VKORC1L1: variants seen among roughly 807,000 people sequenced by gnomAD.
The protein encoded by VKORC1L1 is vitamin K epoxide reductase complex subunit 1L1, also known as vitamin K epoxide reductase complex subunit 1-like protein 1.
VKORC1L1 carries 2 observed loss-of-function variants against 18.9 expected under a neutral mutation model. That is an observed-to-expected ratio of 0.11 (90% CI 0.04 to 0.33). The LOEUF (loss-of-function observed/expected upper bound fraction) is 0.33, where lower values mean the gene tolerates loss of function less well. Among genes scored for constraint, VKORC1L1 ranks in the 10% least tolerant of loss-of-function variants. The pLI is 1.00. For missense variants in VKORC1L1, 123 were observed against 224.1 expected (o/e 0.55, Z 2.88); for synonymous variants, 96 against 100.0 (o/e 0.96, Z 0.24).
intron 1 of VKORC1L1, among the ~76,000 whole-genome samples, chr7:65,934,436 A>G (rs1257678506): frequency 6.6e-6 from 1 of 152,194 alleles, no homozygotes; most frequent in Non-Finnish European, 1.5e-5. Flanking sequence ...AGAACACACT[A>G]TTATTTACTA....
At chr7:65,875,743 T>C (rs1357480331) in intron 1 of VKORC1L1, among the ~76,000 whole-genome samples, 1 of 152,112 alleles carries the variant, frequency 6.6e-6, no homozygotes, top group East Asian at 1.9e-4. Flanking sequence ...TGAAAGCTGA[T>C]TATTGGACAC....
chr7:65,951,828 G>C (rs1378898443), intron 2 of VKORC1L1, among the ~76,000 whole-genome samples: 1 of 152,028 alleles, frequency 6.6e-6, no homozygotes, highest in Non-Finnish European at 1.5e-5. Context: ...AATATATCAT[G>C]GTGATTTTTC....
chr7:65,922,065 T>C lies in VKORC1L1; in HGVS notation c.195-26606T>C, dbSNP rs139305148. Among the ~76,000 whole-genome samples, 235 of 152,322 alleles carry C rather than the reference T, an allele frequency of 1.5e-3. 1 individual carries two copies. The highest frequency in any genetic ancestry group is 5.5e-3 in the African/African-American group (228 of 41,570). The stretch of plus-strand genomic sequence containing the variant: ...TATAAATTAATAGTTGTATCACTTT[T>C]CTGTCAGTGCGTGGACCTTTGGATA... On this transcript the variant is annotated intron_variant, in intron 1 of 2. Transcript: ENST00000360768.
At chr7:65,875,157 A>G (rs554611601) in intron 1 of VKORC1L1, among the ~76,000 whole-genome samples, 3 of 152,316 alleles carry the variant, frequency 2.0e-5, no homozygotes, top group South Asian at 4.1e-4. Context: ...CCATGTATAC[A>G]GTGAAATTAA....
chr7:65,870,110 C>CCATT (rs1050419587), upstream of VKORC1L1, among the ~76,000 whole-genome samples: 12 of 151,440 alleles, frequency 7.9e-5, no homozygotes, highest in South Asian at 2.1e-4. Flanking sequence ...TTTTGAGTGT[C>CCATT]CATTCATTCA....
At position 65,919,075 on chromosome 7, in the gene VKORC1L1, G is replaced by A. The variant is rs1373061058; in HGVS notation, c.195-29596G>A. On this transcript the variant is annotated intron_variant, in intron 1 of 2. Coordinates refer to ENST00000360768, the MANE Select transcript of VKORC1L1 (RefSeq NM_173517.6). ...TGCACTCCAGCTTGGGTGACAGAGC[G>A]AGACCCTTTCTCAAAAAATAAATAA... is the stretch of plus-strand genomic sequence containing the variant. Among the ~76,000 whole-genome samples, 3 of 152,270 alleles carry A rather than the reference G, an allele frequency of 2.0e-5. No homozygotes were observed. In the East Asian group the frequency reaches 5.8e-4, roughly 29 times the overall value.
In VKORC1L1 at chr7:65,874,369, T is replaced by C. The variant is rs544313104; in HGVS notation, c.194+804T>C. 2.6e-5 allele frequency among the ~76,000 whole-genome samples: 4 copies of C among 152,092 alleles called. No individual in the cohort carries two copies. In the East Asian group the frequency reaches 5.9e-4, roughly 22 times the overall value. On this transcript the variant is annotated intron_variant, in intron 1 of 2. Transcript: ENST00000360768. ...AGGCATTGGAATGACTTTTAAACGT[T>C]GTTGCCTATTAGCATATTCGAGACC...
intron 1 of VKORC1L1, among the ~76,000 whole-genome samples, chr7:65,907,600 C>T (rs929222174): frequency 8.5e-5 from 13 of 152,178 alleles, no homozygotes; most frequent in African/African-American, 2.4e-4. Flanking sequence ...CTAGGCCTCC[C>T]GCTGTTCAGT....
At chr7:65,908,909 A>G (rs1198028387) in intron 1 of VKORC1L1, among the ~76,000 whole-genome samples, 5 of 151,772 alleles carry the variant, frequency 3.3e-5, no homozygotes, top group African/African-American at 1.2e-4. Flanking sequence ...AAAAATAAAT[A>G]AAAACATCAG....
chr7:65,933,931 A>G (rs1275781976), intron 1 of VKORC1L1, among the ~76,000 whole-genome samples: 1 of 152,226 alleles, frequency 6.6e-6, no homozygotes, highest in Non-Finnish European at 1.5e-5. Context: ...TACAACTATT[A>G]ATATAAAGAT....
upstream of VKORC1L1, among the ~76,000 whole-genome samples, chr7:65,868,081 A>G (rs1788683848): frequency 6.6e-6 from 1 of 152,188 alleles, no homozygotes; most frequent in African/African-American, 2.4e-5. Flanking sequence ...TCCTGACCTC[A>G]GGTGATTCAC....
At chr7:65,884,369 C>T (rs950772703) in intron 1 of VKORC1L1, among the ~76,000 whole-genome samples, 6 of 152,072 alleles carry the variant, frequency 3.9e-5, no homozygotes, top group African/African-American at 9.7e-5. Flanking sequence ...CACAGCAGGG[C>T]ACGGTGGCCA....
chr7:65,921,681 T>C (rs1476607286), intron 1 of VKORC1L1, among the ~76,000 whole-genome samples: 1 of 152,128 alleles, frequency 6.6e-6, no homozygotes, highest in East Asian at 1.9e-4. Context: ...ACCCCGTCTC[T>C]ACTAAAAATA....
At chr7:65,952,778 C>CTTTTTTTTTTTTTTTTT in intron 2 of VKORC1L1, among the ~76,000 whole-genome samples, 1 of 86,612 alleles carries the variant, frequency 1.2e-5, no homozygotes, top group African/African-American at 4.7e-5. Context: ...TTTTTTTTTC[C>CTTTTTTTTTTTTTTTTT]TTTTTTTTTT....
intron 1 of VKORC1L1, among the ~76,000 whole-genome samples, chr7:65,891,840 A>G (rs555212570): frequency 4.0e-4 from 61 of 152,322 alleles, no homozygotes; most frequent in African/African-American, 1.4e-3. Flanking sequence ...GTCATTTTGA[A>G]ATATAAAATA....
At chr7:65,867,105 T>G in the VKORC1L1 span, among the ~76,000 whole-genome samples, 2 of 152,126 alleles carry the variant, frequency 1.3e-5, no homozygotes, top group African/African-American at 4.8e-5. Context: ...GAGAATCACT[T>G]GAACCCAGGA....
In VKORC1L1 at chr7:65,873,266, C is replaced by CGGCGGCGGA. The variant is rs1583815535; in HGVS notation, c.-97_-89dup. ...GCGGCGGCGGCGGCGGTGGTGGCGG[C>CGGCGGCGGA]GGCGGCGGAGGCGGCGGTGGCGGCG... is the stretch of plus-strand genomic sequence containing the variant. On this transcript the variant is annotated 5_prime_UTR_variant, in exon 1 of 3. Coordinates refer to ENST00000360768, the MANE Select transcript of VKORC1L1 (RefSeq NM_173517.6). 10 of 981,284 alleles carry CGGCGGCGGA rather than the reference C, an allele frequency of 1.0e-5. No homozygotes were observed. The highest frequency in any genetic ancestry group is 1.1e-4 in the East Asian group (1 of 9,010). 60.8% of individuals were successfully genotyped at this position (981,284 alleles called of 1,614,324 possible).
intron 1 of VKORC1L1, among the ~76,000 whole-genome samples, chr7:65,895,780 T>C (rs1189589690): frequency 2.6e-5 from 4 of 151,660 alleles, no homozygotes; most frequent in African/African-American, 9.7e-5. Flanking sequence ...ATAGAAATGT[T>C]TTATGTGGTC....
chr7:65,915,518 C>T (rs1224288495), intron 1 of VKORC1L1, among the ~76,000 whole-genome samples: 1 of 151,478 alleles, frequency 6.6e-6, no homozygotes, highest in African/African-American at 2.4e-5. Flanking sequence ...TCAAGTGATT[C>T]TCCTGCCTCA....
Sources: allele counts gnomAD v4.1 joint callset (sites outside exome capture counted in the v4.1 genomes callset), GRCh38; gene constraint gnomAD v4.1.1; transcripts MANE v1.5; gene names NCBI Gene and HGNC (gene_info 2026-07-23, HGNC 2026-07-21).